The following NMNAT2 variants were observed in gnomAD, a reference collection of about 807,000 sequenced individuals.
NMNAT2 encodes nicotinamide/nicotinic acid mononucleotide adenylyltransferase 2.
NMNAT2 carries 11 observed loss-of-function variants against 41.6 expected under a neutral mutation model. The ratio of observed to expected loss-of-function variants is 0.26; its 90% CI spans 0.17 to 0.44. The LOEUF (loss-of-function observed/expected upper bound fraction) is 0.44. Among genes scored for constraint, NMNAT2 ranks in the 20% least tolerant of loss-of-function variants. The probability of loss-of-function intolerance (pLI) is 1.00; values close to 1 mark genes in which losing one functional copy is unlikely to be tolerated. For synonymous variants in NMNAT2, 148 were observed against 151.2 expected, an observed-to-expected ratio of 0.98 and a Z score of 0.16; for missense variants, 288 against 407.7, an observed-to-expected ratio of 0.71 and a Z score of 2.53.
At chr1:183,312,480 T>C (rs1218382925) in intron 1 of NMNAT2, among the ~76,000 whole-genome samples, 1 of 152,106 alleles carries the variant, frequency 6.6e-6, no homozygotes, top group Non-Finnish European at 1.5e-5. Context: ...TTTGTTAATA[T>C]CTTACCACAT....
At chr1:183,371,889 T>C (rs1244596896) in intron 1 of NMNAT2, among the ~76,000 whole-genome samples, 2 of 152,112 alleles carry the variant, frequency 1.3e-5, no homozygotes, top group Non-Finnish European at 2.9e-5. Flanking sequence ...AAGCAATCCT[T>C]CTGCCTCAGC....
At chr1:183,290,498 T>G (rs999557608) in intron 3 of NMNAT2, 3 of 333,762 alleles carry the variant, frequency 9.0e-6, no homozygotes, top group African/African-American at 4.2e-5. Flanking sequence ...GAAAGTTATG[T>G]GATCTCCCAG....
At chr1:183,388,427 A>G (rs1648323929) in intron 1 of NMNAT2, among the ~76,000 whole-genome samples, 1 of 152,234 alleles carries the variant, frequency 6.6e-6, no homozygotes, top group South Asian at 2.1e-4. Flanking sequence ...ATGCATTGGA[A>G]GGTTCATGGC....
intron 10 of NMNAT2, among the ~76,000 whole-genome samples, chr1:183,255,659 AGGGTTTTT>A (rs1558106328): frequency 5.4e-5 from 7 of 130,658 alleles, no homozygotes; most frequent in African/African-American, 1.9e-4. Context: ...TTTATTCCTA[AGGGTTTTT>A]TTTTTTTTTT....
chr1:183,393,160 C>G (rs1299368641), intron 1 of NMNAT2, among the ~76,000 whole-genome samples: 1 of 152,210 alleles, frequency 6.6e-6, no homozygotes, highest in African/African-American at 2.4e-5. Context: ...CCTTCTCAGA[C>G]TAAATACACT....
chr1:183,265,214 C>T (rs1030813421), intron 8 of NMNAT2, among the ~76,000 whole-genome samples: 2 of 149,912 alleles, frequency 1.3e-5, no homozygotes, highest in African/African-American at 4.9e-5. Flanking sequence ...AATGGTTTTC[C>T]TATAACCTTT....
At position 183,251,265 on chromosome 1, in the gene NMNAT2, A is replaced by G. The variant is rs201994443; in HGVS notation, c.*1376T>C. 6.6e-6 allele frequency: 1 copy of G among 152,288 alleles called. No individual in the cohort carries two copies. Among genetic ancestry groups the G allele is most frequent in the South Asian group, 2.1e-4 (1 of 4,830 alleles). The allele number at this position is 152,288 out of a possible 1,614,324, so 9.4% of individuals were successfully genotyped here. A position where few individuals can be genotyped will look rare whatever the true frequency, so the allele number is the denominator to read the frequency against. ...GCTCCCAGGCTCTGCAGGGGCTAGA[A>G]CCAACCACAGAAACAAGACCAAGGC... On this transcript the variant is annotated 3_prime_UTR_variant, in exon 11 of 11. Transcript: ENST00000287713.
At chr1:183,265,208 G>A (rs999312115) in intron 8 of NMNAT2, among the ~76,000 whole-genome samples, 1 of 144,504 alleles carries the variant, frequency 6.9e-6, no homozygotes, top group Non-Finnish European at 1.5e-5. Flanking sequence ...CAAAGAAATG[G>A]TTTTCCTATA....
rs983641147 is a variant in NMNAT2, at chr1:183,251,504, T to C, written c.*1137A>G. 4 of 152,310 alleles carry C rather than the reference T, an allele frequency of 2.6e-5. No homozygotes were observed. Among genetic ancestry groups the C allele is most frequent in the African/African-American group, 9.7e-5 (4 of 41,402 alleles). The allele number at this position is 152,310 out of a possible 1,614,324, so 9.4% of individuals were successfully genotyped here. On this transcript the variant is annotated 3_prime_UTR_variant, in exon 11 of 11. Coordinates refer to ENST00000287713, the MANE Select transcript of NMNAT2 (RefSeq NM_015039.4). The stretch of plus-strand genomic sequence containing the variant: ...GTTGAGTGGACTCCTAGTGTTTTTT[T>C]GTTTTGTTTTGTTTTTTTATGACAC...
At chr1:183,350,182 G>A (rs907958778) in intron 1 of NMNAT2, among the ~76,000 whole-genome samples, 2 of 152,200 alleles carry the variant, frequency 1.3e-5, no homozygotes, top group Non-Finnish European at 1.5e-5. Context: ...GGTAAGTGCT[G>A]TGAATAAATG....
chr1:183,368,451 C>T (rs1269219109), intron 1 of NMNAT2, among the ~76,000 whole-genome samples: 1 of 152,190 alleles, frequency 6.6e-6, no homozygotes, highest in East Asian at 1.9e-4. Flanking sequence ...GAGGCCTCTA[C>T]ACACCACACA....
intron 8 of NMNAT2, among the ~76,000 whole-genome samples, chr1:183,272,592 C>A (rs114877381): frequency 0.018 from 2,675 of 152,268 alleles, 96 homozygotes; most frequent in African/African-American, 0.061. Flanking sequence ...GGGGTCATCC[C>A]ATTAGTCATA....
rs553469669 is a variant in NMNAT2 at position 183,377,069 on chromosome 1, C to T, written c.85+41114G>A. 1.1e-4 allele frequency among the ~76,000 whole-genome samples: 17 copies of T among 152,178 alleles called. 1 individual carries two copies. In the South Asian group the frequency reaches 3.5e-3, roughly 32 times the overall value. On this transcript the variant is annotated intron_variant, in intron 1 of 10. Transcript: ENST00000287713. ...CTTCCTCAAGGAAGGAAATATTCAG[C>T]AGGAAGTGCGACACAGCTGTAGTCC... is the stretch of plus-strand genomic sequence containing the variant.
intron 1 of NMNAT2, chr1:183,304,783 G>A: frequency 6.2e-7 from 1 of 1,612,810 alleles, no homozygotes; most frequent in East Asian, 2.2e-5. Flanking sequence ...GCCCTGTGCT[G>A]GCCATCAGAG....
chr1:183,335,882 G>T (rs560812488), intron 1 of NMNAT2, among the ~76,000 whole-genome samples: 2 of 152,314 alleles, frequency 1.3e-5, no homozygotes, highest in African/African-American at 4.8e-5. Context: ...AATAATCTGT[G>T]AATACAATAG....
chr1:183,332,977 G>A (rs922545963), intron 1 of NMNAT2, among the ~76,000 whole-genome samples: 2 of 152,134 alleles, frequency 1.3e-5, no homozygotes, highest in African/African-American at 4.8e-5. Flanking sequence ...ATCTTAGGAT[G>A]GCCTTATGGC....
chr1:183,358,596 A>G (rs1663245487), intron 1 of NMNAT2, among the ~76,000 whole-genome samples: 1 of 152,110 alleles, frequency 6.6e-6, no homozygotes, highest in African/African-American at 2.4e-5. Context: ...CTAGATTGAG[A>G]AGGGAGAGCT....
chr1:183,268,904 T>C (rs1398260701), intron 8 of NMNAT2, among the ~76,000 whole-genome samples: 3 of 152,030 alleles, frequency 2.0e-5, no homozygotes, highest in African/African-American at 7.2e-5. Context: ...TATTTTAAAT[T>C]AGCTGAGTGT....
intron 1 of NMNAT2, among the ~76,000 whole-genome samples, chr1:183,333,089 T>C (rs1339843207): frequency 6.6e-6 from 1 of 152,034 alleles, no homozygotes; most frequent in Non-Finnish European, 1.5e-5. Flanking sequence ...AGAGAAGGAC[T>C]CCAAACAGCT....
Sources: allele counts gnomAD v4.1 joint callset (sites outside exome capture counted in the v4.1 genomes callset), GRCh38; gene constraint gnomAD v4.1.1; transcripts MANE v1.5; gene names NCBI Gene and HGNC (gene_info 2026-07-23, HGNC 2026-07-21).